Variants in RP1 observed in about 807,000 individuals in gnomAD.
RP1 encodes RP1 axonemal microtubule associated.
A neutral mutation model predicts 14.8 loss-of-function variants in RP1; 16 were observed. That is an observed-to-expected ratio of 1.08 (90% CI 0.73 to 1.65). The LOEUF (loss-of-function observed/expected upper bound fraction) is 1.65. RP1 is among the 40% of genes most tolerant of loss of function. RP1 has a pLI of 0.00. For missense variants in RP1, 2,631 were observed against 2,535.0 expected (o/e 1.04, Z -0.81); for synonymous variants, 876 against 883.6 (o/e 0.99, Z 0.15).
At chr8:54,744,607 C>T (rs992084878) in intron 19 of RP1, among the ~76,000 whole-genome samples, 1 of 152,164 alleles carries the variant, frequency 6.6e-6, no homozygotes, top group Non-Finnish European at 1.5e-5. Flanking sequence ...ATTACCATCT[C>T]TTGCAGCCCT....
At position 54,758,944 on chromosome 8, in the gene RP1, C is replaced by T. The variant is rs997025935; in HGVS notation, c.3116C>T (p.Ala1039Val). The change falls in exon 22 of 23, where the codon GCA becomes GTA. Residue 1039 changes from alanine to valine, a missense_variant. Physicochemically the swap from Ala to Val is moderately conservative, Grantham distance 64. Coordinates refer to the RP1 transcript ENST00000636932. ...CAGATTGATAAATTTCAAGTAGCAG[C>T]AGTGTCGCTTGGAAAACTGCAGAAG... 9 of 1,535,662 alleles carry T rather than the reference C, an allele frequency of 5.9e-6. No homozygotes were observed. The African/African-American group carries it at 1.2e-4, about 21-fold the overall frequency.
intron 19 of RP1, among the ~76,000 whole-genome samples, chr8:54,753,864 C>T (rs1210570070): frequency 1.3e-5 from 2 of 151,962 alleles, no homozygotes; most frequent in African/African-American, 4.8e-5. Flanking sequence ...GCAGCAAGCT[C>T]GAAGAATAAG....
chr8:54,715,887 A>T (rs1808393228), intron 15 of RP1, among the ~76,000 whole-genome samples: 1 of 152,244 alleles, frequency 6.6e-6, no homozygotes, highest in African/African-American at 2.4e-5. Context: ...GGGGAAAAGA[A>T]GAACGTAAAC....
chr8:54,720,085 T>A (rs1585634144), intron 15 of RP1: 1 of 1,375,970 alleles, frequency 7.3e-7, no homozygotes, highest in South Asian at 1.5e-5. Context: ...TTCTGTCTTT[T>A]AGGACTTGCT....
chr8:54,666,278 T>C (rs1404947775), intron 7 of RP1, among the ~76,000 whole-genome samples: 2 of 152,062 alleles, frequency 1.3e-5, no homozygotes, highest in Non-Finnish European at 2.9e-5. Context: ...TCTAAGAAAG[T>C]GCAAGTCCAA....
Position 54,626,819 on chromosome 8 carries a change from C to G in RP1, c.2937C>G (p.Ala979=). The stretch of plus-strand genomic sequence containing the variant: ...GTAATAAGCACATAACTAAAATTGC[C>G]GGTTTGACAGGAGATAATCTATGTA... ...MESNKHITKI[A]GLTGDNLCKE... is the part of the protein sequence containing the mutation. The change falls in exon 4 of 4, where the codon GCC becomes GCG. Residue 979 remains alanine, a synonymous_variant. Transcript: ENST00000220676. 1 of 1,613,618 alleles carries G rather than the reference C, an allele frequency of 6.2e-7. No homozygotes were observed. The highest frequency in any genetic ancestry group is 8.5e-7 in the Non-Finnish European group (1 of 1,179,906).
At chr8:54,807,058 G>A (rs1056757717) in intron 24 of RP1, among the ~76,000 whole-genome samples, 2 of 152,130 alleles carry the variant, frequency 1.3e-5, no homozygotes, top group Non-Finnish European at 2.9e-5. Flanking sequence ...AATATCTATT[G>A]ACCACCTGCA....
chr8:54,706,317 G>A (rs766808613), intron 14 of RP1: 90 of 903,644 alleles, frequency 1.0e-4, no homozygotes, highest in Non-Finnish European at 1.3e-4. Context: ...TCTTTTGCTC[G>A]TTTTCAGCCA....
At chr8:54,852,596 A>G (rs1281626095) in exon 26 of RP1, 1 of 1,231,972 alleles carries the variant, frequency 8.1e-7, no homozygotes, top group Non-Finnish European at 1.0e-6. Context: ...AGATTCGCAT[A>G]TACACAGGCA....
chr8:54,681,482 TTGTGTGTGTGTGTGTGTGTG>T (rs3049538), intron 12 of RP1, among the ~76,000 whole-genome samples: 3 of 141,666 alleles, frequency 2.1e-5, no homozygotes, highest in Non-Finnish European at 3.0e-5. Flanking sequence ...ATTTTTTGAT[TTGTGTGTGTGTGTGTGTGTG>T]TGTGTGTGTG....
chr8:54,769,681 A>G, intron 22 of RP1: 1 of 1,105,502 alleles, frequency 9.0e-7, no homozygotes, highest in Non-Finnish European at 1.3e-6. Flanking sequence ...GAAAATCAGA[A>G]ATTAATTTTC....
Position 54,649,031 on chromosome 8 carries a change from AG to A in RP1, c.837del (p.Thr280ProfsTer39). The A allele has an allele frequency of 6.5e-7, 1 of 1,528,174 alleles. No homozygotes were observed. The highest frequency in any genetic ancestry group is 8.7e-7 in the Non-Finnish European group (1 of 1,144,768). 94.7% of individuals were successfully genotyped at this position (1,528,174 alleles called of 1,614,324 possible). On this transcript the variant is annotated frameshift_variant, in exon 4 of 23. Transcript: ENST00000636932. LOFTEE classifies it high-confidence loss of function. ...TAATCACCAGTGACTTGCCAGATGCAGGGACCAGCTCACAGATTTATATTAT... is the reference window on the plus strand; with the variant it reads ...TAATCACCAGTGACTTGCCAGATGCAGGACCAGCTCACAGATTTATATTAT...
chr8:54,701,614 A>T (rs772600562), exon 14 of RP1: 1 of 1,535,636 alleles, frequency 6.5e-7, no homozygotes, highest in African/African-American at 1.4e-5. Flanking sequence ...CTGATGCATC[A>T]TCAGCAGGCT....
chr8:54,773,368 G>C (rs1809954686), downstream of RP1, among the ~76,000 whole-genome samples: 2 of 152,000 alleles, frequency 1.3e-5, 1 homozygote, highest in African/African-American at 4.8e-5. Flanking sequence ...CAGGTGCGGT[G>C]GCTCATGCCT....
exon 29 of RP1, chr8:54,869,975 C>CCTT: frequency 2.1e-6 from 2 of 960,430 alleles, no homozygotes; most frequent in Non-Finnish European, 2.7e-6. Flanking sequence ...CTCCAATATG[C>CCTT]TTCAAAAGGC....
chr8:54,656,707 G>A (rs1441257664), intron 6 of RP1, among the ~76,000 whole-genome samples: 1 of 150,752 alleles, frequency 6.6e-6, no homozygotes, highest in Non-Finnish European at 1.5e-5. Flanking sequence ...TTCTACTCAG[G>A]ATTAGGTAGT....
intron 16 of RP1, among the ~76,000 whole-genome samples, chr8:54,720,715 C>G (rs1216365543): frequency 6.6e-6 from 1 of 152,112 alleles, no homozygotes; most frequent in African/African-American, 2.4e-5. Flanking sequence ...AAGATCAACA[C>G]AATTGGGATT....
intron 16 of RP1, among the ~76,000 whole-genome samples, chr8:54,725,228 T>A (rs1203365744): frequency 6.6e-6 from 1 of 152,212 alleles, no homozygotes; most frequent in Non-Finnish European, 1.5e-5. Context: ...ATCTTAAATT[T>A]TTTTCCTCTA....
Position 54,626,685 on chromosome 8 carries a change from G to A in RP1, c.2803G>A (p.Ala935Thr). Reference sequence around the variant, plus strand: ...TCCAACTTTAAAGCCTATAAAATCAGCTCCAGTATGTAGAAATGAAACGAG... The same window carrying A: ...TCCAACTTTAAAGCCTATAAAATCAACTCCAGTATGTAGAAATGAAACGAG... ...PYPTLKPIKSAPVCRNETSVV... is the reference protein window; with the variant it reads ...PYPTLKPIKSTPVCRNETSVV... The change falls in exon 4 of 4, where the codon GCT (alanine) becomes ACT (threonine). Residue 935 changes from alanine to threonine, a missense_variant. By Grantham distance (58) the Ala-to-Thr change is moderately conservative. Transcript: ENST00000220676. The A allele has an allele frequency of 6.2e-7, 1 of 1,613,912 alleles. No homozygotes were observed.
Sources: gnomAD v4.1 joint callset for allele counts (sites outside exome capture counted in the v4.1 genomes callset) on GRCh38, gnomAD v4.1.1 for gene constraint, MANE v1.5 for transcripts, NCBI Gene and HGNC (gene_info 2026-07-23, HGNC 2026-07-21) for gene names.